Variants in GNA14 observed in about 807,000 individuals in gnomAD.
The protein encoded by GNA14 is guanine nucleotide-binding protein subunit alpha-14.
A neutral mutation model predicts 42.0 loss-of-function variants in GNA14; 50 were observed. The observed-to-expected ratio is 1.19, with a 90% CI of 0.95 to 1.51. The LOEUF (loss-of-function observed/expected upper bound fraction) is 1.51, where lower values mean the gene tolerates loss of function less well. Ranked by LOEUF, GNA14 falls within the 40% of genes most tolerant of loss-of-function variation. The pLI is 0.00. For missense variants in GNA14, 473 were observed against 446.2 expected (o/e 1.06, Z -0.54); for synonymous variants, 173 against 163.1 (o/e 1.06, Z -0.46).
intron 1 of GNA14, among the ~76,000 whole-genome samples, chr9:77,599,899 G>T (rs556288255): frequency 9.2e-5 from 14 of 152,266 alleles, no homozygotes; most frequent in African/African-American, 3.1e-4. Flanking sequence ...ACAAAAAATT[G>T]TAACTATAGA....
chr9:77,467,391 T>C (rs1836254546), intron 2 of GNA14, among the ~76,000 whole-genome samples: 1 of 151,872 alleles, frequency 6.6e-6, no homozygotes, highest in African/African-American at 2.4e-5. Flanking sequence ...TGACCCTCTC[T>C]GATTGTTCCT....
rs549653297 is a variant in GNA14 at position 77,581,233 on chromosome 9, G to C, written c.125-51980C>G. Among the ~76,000 whole-genome samples the C allele has an allele frequency of 2.6e-5, 4 of 152,276 alleles. No homozygotes were observed. In the South Asian group the frequency reaches 8.3e-4, roughly 32 times the overall value. ...TTAGTTATGTGCTAGGCTGAGACAGGCTGCAAGAGGAAACCATGAAGCTTG... is the reference window on the plus strand; with the variant it reads ...TTAGTTATGTGCTAGGCTGAGACAGCCTGCAAGAGGAAACCATGAAGCTTG... On this transcript the variant is annotated intron_variant, in intron 1 of 6. Coordinates refer to ENST00000341700, the MANE Select transcript of GNA14 (RefSeq NM_004297.4).
chr9:77,442,894 G>C (rs1005631638), intron 2 of GNA14, among the ~76,000 whole-genome samples: 7 of 152,222 alleles, frequency 4.6e-5, no homozygotes, highest in Non-Finnish European at 1.0e-4. Context: ...CACTAACCCA[G>C]AGGAAACTGG....
chr9:77,560,286 C>CTTTTTT (rs770870060), intron 1 of GNA14, among the ~76,000 whole-genome samples: 10 of 119,542 alleles, frequency 8.4e-5, no homozygotes, highest in African/African-American at 2.4e-4. Flanking sequence ...CCTCTCCAGT[C>CTTTTTT]TTTTTTTTTT....
At chr9:77,426,427 C>T (rs1192435055) in intron 5 of GNA14, among the ~76,000 whole-genome samples, 1 of 152,150 alleles carries the variant, frequency 6.6e-6, no homozygotes, top group Non-Finnish European at 1.5e-5. Context: ...GCCTCAGCCT[C>T]CCGAGTGGCT....
At chr9:77,641,450 C>T (rs1172277637) in intron 1 of GNA14, among the ~76,000 whole-genome samples, 2 of 150,974 alleles carry the variant, frequency 1.3e-5, no homozygotes, top group Non-Finnish European at 3.0e-5. Flanking sequence ...CATGGTGTGC[C>T]TCCAGATGCC....
intron 1 of GNA14, among the ~76,000 whole-genome samples, chr9:77,591,938 G>A (rs530719661): frequency 1.2e-4 from 15 of 128,472 alleles, no homozygotes; most frequent in African/African-American, 4.5e-4. Context: ...TTTTTGAGAT[G>A]GAGTCTCGCT....
Position 77,647,775 on chromosome 9 carries a change from GGCA to G in GNA14, c.16_18del (p.Cys6del). The G allele has an allele frequency of 1.9e-6, 3 of 1,609,794 alleles. No homozygotes were observed. The highest frequency in any genetic ancestry group is 2.5e-6 in the Non-Finnish European group (3 of 1,178,872). Reference sequence around the variant, plus strand: ...TGCGACTCCTTCTCCTCCGCGGACAGGCAGCAGCAGCCGGCCATGGTGCGCTCA... The same window carrying G: ...TGCGACTCCTTCTCCTCCGCGGACAGGCAGCAGCCGGCCATGGTGCGCTCA... On this transcript the variant is annotated inframe_deletion, in exon 1 of 7. Coordinates refer to ENST00000341700, the MANE Select transcript of GNA14 (RefSeq NM_004297.4).
chr9:77,591,199 T>C (rs931624994), intron 1 of GNA14, among the ~76,000 whole-genome samples: 1 of 152,164 alleles, frequency 6.6e-6, no homozygotes, highest in East Asian at 1.9e-4. Flanking sequence ...CAGCAGGTGT[T>C]TTCCCTACTA....
chr9:77,605,548 G>T (rs990940873), intron 1 of GNA14, among the ~76,000 whole-genome samples: 66 of 152,172 alleles, frequency 4.3e-4, no homozygotes, highest in African/African-American at 1.5e-3. Context: ...AAAGGATAAA[G>T]AAAATGTGGT....
intron 1 of GNA14, among the ~76,000 whole-genome samples, chr9:77,608,934 C>G (rs1401677014): frequency 2.6e-5 from 4 of 152,068 alleles, no homozygotes; most frequent in Non-Finnish European, 5.9e-5. Context: ...TCAAATCCTT[C>G]ATTCACATCC....
chr9:77,573,483 A>C (rs2440230), intron 1 of GNA14, among the ~76,000 whole-genome samples: 2 of 151,800 alleles, frequency 1.3e-5, no homozygotes, highest in South Asian at 4.2e-4. Flanking sequence ...AAAAATAATA[A>C]ATAAATAAAT....
chr9:77,508,579 G>A (rs1169631055), intron 2 of GNA14, among the ~76,000 whole-genome samples: 11 of 152,218 alleles, frequency 7.2e-5, no homozygotes, highest in Admixed American at 4.6e-4. Context: ...ATATATGTGT[G>A]CGTGAGTGTA....
intron 2 of GNA14, among the ~76,000 whole-genome samples, chr9:77,466,206 T>C (rs1224514104): frequency 1.3e-5 from 2 of 152,252 alleles, no homozygotes; most frequent in Non-Finnish European, 2.9e-5. Context: ...TATTTTTTTC[T>C]ATTCCTTTCT....
At chr9:77,595,486 CG>C (rs1327221645) in intron 1 of GNA14, among the ~76,000 whole-genome samples, 2 of 152,104 alleles carry the variant, frequency 1.3e-5, no homozygotes, top group Non-Finnish European at 2.9e-5. Context: ...AAGAGGAAAC[CG>C]GAGGTTATTT....
chr9:77,473,291 T>C (rs778110522), intron 2 of GNA14, among the ~76,000 whole-genome samples: 9 of 152,170 alleles, frequency 5.9e-5, no homozygotes, highest in Middle Eastern at 3.4e-3. Context: ...AACCCATCTC[T>C]ACAAAAAATA....
At chr9:77,440,493 G>A (rs965806179) in intron 2 of GNA14, among the ~76,000 whole-genome samples, 1 of 152,180 alleles carries the variant, frequency 6.6e-6, no homozygotes, top group African/African-American at 2.4e-5. Flanking sequence ...TTGTTCCTTT[G>A]TCAGATCATT....
chr9:77,431,245 A>C, intron 4 of GNA14, 76 bp downstream of exon 4: 1 of 1,340,540 alleles, frequency 7.5e-7, no homozygotes, highest in Non-Finnish European at 1.1e-6. Flanking sequence ...GCTTAGGAAT[A>C]ACACGTTTAA....
chr9:77,499,678 C>T (rs552776528), intron 2 of GNA14, among the ~76,000 whole-genome samples: 4 of 151,952 alleles, frequency 2.6e-5, no homozygotes, highest in South Asian at 2.1e-4. Flanking sequence ...TGGGAAACCC[C>T]GTCTCTACTA....
Sources: gnomAD v4.1 joint callset for allele counts (sites outside exome capture counted in the v4.1 genomes callset) on GRCh38, gnomAD v4.1.1 for gene constraint, MANE v1.5 for transcripts, NCBI Gene and HGNC (gene_info 2026-07-23, HGNC 2026-07-21) for gene names.